SPEG: variants seen among roughly 807,000 people sequenced by gnomAD.
SPEG encodes the protein striated muscle preferentially expressed protein kinase.
SPEG carries 114 observed loss-of-function variants against 300.4 expected under a neutral mutation model. The observed-to-expected ratio is 0.38, with a 90% confidence interval of 0.33 to 0.44. The LOEUF (loss-of-function observed/expected upper bound fraction) is 0.44, where lower values mean the gene tolerates loss of function less well. Ranked by LOEUF, SPEG falls within the 20% of genes least tolerant of loss-of-function variation. SPEG has a pLI of 1.00. For synonymous variants in SPEG, 1,964 were observed against 2,018.9 expected (o/e 0.97, Z 0.73); for missense variants, 4,201 against 4,586.2 (o/e 0.92, Z 2.43).
Position 219,468,862 on chromosome 2 carries a change from G to A in SPEG, c.3305G>A (p.Cys1102Tyr), listed in dbSNP as rs551798718. 1.2e-6 allele frequency: 2 copies of A among 1,611,742 alleles called. No individual in the cohort carries two copies. The highest frequency in any genetic ancestry group is 1.3e-5 in the African/African-American group (1 of 75,050). The change falls in exon 12 of 41, where the codon TGC becomes TAC. Residue 1102 changes from cysteine to tyrosine, a missense_variant. Cys to Tyr is a radical substitution (Grantham distance 194). Around this residue, in one of 4 missense-constraint regions of SPEG, gnomAD observed 1,047 missense variants for 1,356.8 expected, o/e 0.77. Transcript: ENST00000312358. Reference sequence around the variant, plus strand: ...TTCCCACCCCTCCTTTCTGCAGGCTGCCCCATGGAGGAGAGTGAGAACTTG... The same window carrying A: ...TTCCCACCCCTCCTTTCTGCAGGCTACCCCATGGAGGAGAGTGAGAACTTG... ...PPVVTWTHFG[C>Y]PMEESENLRL...
chr2:219,470,181 C>T (rs1233398810), intron 13 of SPEG, among the ~76,000 whole-genome samples: 1 of 152,236 alleles, frequency 6.6e-6, no homozygotes, highest in African/African-American at 2.4e-5. Flanking sequence ...CAAGGACCAT[C>T]TTACCTTGCC....
Position 219,493,324 on chromosome 2 carries a change from T to C in SPEG, c.*538T>C. The C allele has an allele frequency of 2.8e-6, 1 of 354,618 alleles. No individual in the cohort carries two copies. Among genetic ancestry groups the C allele is most frequent in the Non-Finnish European group, 5.6e-6 (1 of 179,632 alleles). 22.0% of individuals were successfully genotyped at this position (354,618 alleles called of 1,614,324 possible). A position where few individuals can be genotyped will look rare whatever the true frequency, so the allele number is the denominator to read the frequency against. ...GGAGAAGAGAGGACTCAGGTGGAGG[T>C]GGGGTGGGTCAGCTGTCAGCATCCC... is the stretch of plus-strand genomic sequence containing the variant. On this transcript the variant is annotated 3_prime_UTR_variant, in exon 41 of 41. Transcript: ENST00000312358.
At chr2:219,490,309 C>T in intron 36 of SPEG, 100 bp from the exon 37 acceptor site, 1 of 1,481,912 alleles carries the variant, frequency 6.7e-7, no homozygotes, top group Non-Finnish European at 9.1e-7. Flanking sequence ...CCACTGCATT[C>T]TTGCCCCTAG....
Position 219,448,402 on chromosome 2 carries a change from A to C in SPEG, c.1244A>C (p.Glu415Ala). The C allele has an allele frequency of 6.5e-7, 1 of 1,534,528 alleles. No individual in the cohort carries two copies. The highest frequency in any genetic ancestry group is 8.7e-7 in the Non-Finnish European group (1 of 1,144,984). ...QFFEERRRSL[E>A]RSDSPPAPLR... is the part of the protein sequence containing the mutation. ...TTCGAGGAGCGACGGCGCAGCCTGG[A>C]GCGCAGCGACTCGCCGCCGGCGCCC... Residue 415 changes from glutamate (E) to alanine (A), a missense_variant, in exon 4 of 41, where the codon GAG becomes GCG. Coordinates refer to ENST00000312358, the MANE Select transcript of SPEG (RefSeq NM_005876.5).
rs1274135303 is a variant in SPEG, at chr2:219,481,116, G to A, written c.5370-188G>A. On this transcript the variant is annotated intron_variant, in intron 26 of 40. Coordinates refer to ENST00000312358, the MANE Select transcript of SPEG (RefSeq NM_005876.5). The surrounding 1 kb of genome is among the most constrained non-coding windows in gnomAD (Gnocchi z 5.4). ...GGCCCCAAGGCAGCACCACCTCCCT[G>A]CCCATCAGGGGGGCTGGGGAGGGGA... 1.3e-5 allele frequency among the ~76,000 whole-genome samples: 2 copies of A among 152,124 alleles called. No individual in the cohort carries two copies. The highest frequency in any genetic ancestry group is 2.9e-5 in the Non-Finnish European group (2 of 68,004).
In SPEG at chr2:219,472,265, G is replaced by A. The variant is rs763276969; in HGVS notation, c.3874G>A (p.Val1292Met). 9.9e-6 allele frequency: 16 copies of A among 1,613,924 alleles called. No homozygotes were observed. In the South Asian group the frequency reaches 1.8e-4, roughly 18 times the overall value. ...CCCTCCAGATGGCGCCCCGCAGGTGGTGGCTGTGACGGGGAGGATGGTCAC... is the reference window on the plus strand; with the variant it reads ...CCCTCCAGATGGCGCCCCGCAGGTGATGGCTGTGACGGGGAGGATGGTCAC... ...PGPPDGAPQVVAVTGRMVTLT... is the reference protein window; with the variant it reads ...PGPPDGAPQVMAVTGRMVTLT... The change falls in exon 15 of 41, where the codon GTG becomes ATG. Residue 1292 changes from valine (V) to methionine (M), a missense_variant. This residue lies in a region of SPEG where 1,047 missense variants were observed against 1,356.8 expected (regional missense o/e 0.77). Coordinates refer to ENST00000312358, the MANE Select transcript of SPEG (RefSeq NM_005876.5).
Position 219,462,102 on chromosome 2 carries a change from T to A in SPEG, c.2616+45T>A, listed in dbSNP as rs1317615398. 8.8e-6 allele frequency: 13 copies of A among 1,471,538 alleles called. No individual in the cohort carries two copies. The East Asian group carries it at 2.6e-4, about 29-fold the overall frequency. 91.2% of individuals were successfully genotyped at this position (1,471,538 alleles called of 1,614,324 possible). A position where few individuals can be genotyped will look rare whatever the true frequency, so the allele number is the denominator to read the frequency against. On this transcript the variant is annotated intron_variant, in intron 7 of 40. Coordinates refer to ENST00000312358, the MANE Select transcript of SPEG (RefSeq NM_005876.5). ...GGCCTAGCCTCCTGTGTGCCCCCGT[T>A]CCTTTGGGTGCCCCCTTGTTCTTGG...
chr2:219,453,473 G>T (rs1457669717), intron 6 of SPEG, among the ~76,000 whole-genome samples: 1 of 152,200 alleles, frequency 6.6e-6, no homozygotes, highest in Admixed American at 6.5e-5. Flanking sequence ...GTTTCTACAA[G>T]GATCTGGGAA....
At chr2:219,453,310 TGAGCTTCA>T (rs1689913359) in intron 6 of SPEG, among the ~76,000 whole-genome samples, 2 of 152,274 alleles carry the variant, frequency 1.3e-5, no homozygotes, top group South Asian at 4.1e-4. Context: ...TAGAACCTCC[TGAGCTTCA>T]GTTTCCTCAT....
Position 219,444,878 on chromosome 2 carries a change from A to C in SPEG, c.532A>C (p.Thr178Pro). 6.4e-7 allele frequency: 1 copy of C among 1,569,144 alleles called. No homozygotes were observed. Among genetic ancestry groups the C allele is most frequent in the Non-Finnish European group, 8.6e-7 (1 of 1,157,030 alleles). Residue 178 changes from threonine (T) to proline (P), a missense_variant, in exon 3 of 41, where the codon ACA (threonine) becomes CCA (proline). Thr to Pro is a conservative substitution (Grantham distance 38). Coordinates refer to ENST00000312358, the MANE Select transcript of SPEG (RefSeq NM_005876.5). The surrounding 1 kb of genome is among the most constrained non-coding windows in gnomAD (Gnocchi z 7.8). ...CCTGGACACACCCCCGACCTCCGTG[A>C]CAGGCACCTCAGAGGAGCAAGTGAG... ...TSLDTPPTSVTGTSEEQVSWW... is the reference protein window; with the variant it reads ...TSLDTPPTSVPGTSEEQVSWW...
In SPEG at chr2:219,484,265, C is replaced by G; in HGVS notation, c.6802C>G (p.Pro2268Ala). Residue 2268 changes from proline to alanine, a missense_variant, in exon 30 of 41, where the codon CCG (proline) becomes GCG (alanine). Pro to Ala is a conservative substitution (Grantham distance 27). Coordinates refer to ENST00000312358, the MANE Select transcript of SPEG (RefSeq NM_005876.5). ...GGGCCCCTCGCAGGGCCCTGCCGCG[C>G]CGCCTTCAGAGCCCAAGCCCCACGC... ...AQGPSQGPAAPPSEPKPHAAV... is the reference protein window; with the variant it reads ...AQGPSQGPAAAPSEPKPHAAV... 1 of 1,609,748 alleles carries G rather than the reference C, an allele frequency of 6.2e-7. No individual in the cohort carries two copies. The highest frequency in any genetic ancestry group is 8.5e-7 in the Non-Finnish European group (1 of 1,179,760).
At position 219,483,421 on chromosome 2, in the gene SPEG, T is replaced by A; in HGVS notation, c.5958T>A (p.Ala1986=). ...GGGCTCCCTCTCAGGACCAGGAGGC[T>A]CCCAGCCCAGAGGCCCTCCCCTCCC... ...QGRAPSQDQE[A]PSPEALPSPG... is the part of the protein sequence containing the mutation. Residue 1986 remains alanine (A), a synonymous_variant, in exon 30 of 41, where the codon GCT becomes GCA. Coordinates refer to ENST00000312358, the MANE Select transcript of SPEG (RefSeq NM_005876.5). 6.3e-7 allele frequency: 1 copy of A among 1,576,644 alleles called. No homozygotes were observed. Among genetic ancestry groups the A allele is most frequent in the Non-Finnish European group, 8.6e-7 (1 of 1,168,442 alleles).
At chr2:219,468,551 A>C in intron 10 of SPEG, 27 bp from the exon 11 acceptor site, 1 of 1,605,176 alleles carries the variant, frequency 6.2e-7, no homozygotes, top group Non-Finnish European at 8.5e-7. Context: ...AGCCTTCCCT[A>C]TCTCTGAGCT....
rs1290747146 is a variant in SPEG, at chr2:219,488,906, G to T, written c.8149+6G>T. On this transcript the variant is annotated splice_donor_region_variant and intron_variant, in intron 34 of 40. Coordinates refer to ENST00000312358, the MANE Select transcript of SPEG (RefSeq NM_005876.5). ...GCTGGAGCGGCGAGTGGATGGTGAG[G>T]ATGGGGCAGCTGGAGGGTTGGGGGA... The T allele has an allele frequency of 6.3e-7, 1 of 1,583,950 alleles. No homozygotes were observed. Among genetic ancestry groups the T allele is most frequent in the African/African-American group, 1.3e-5 (1 of 74,276 alleles).
intron 3 of SPEG, among the ~76,000 whole-genome samples, chr2:219,446,533 C>A (rs183122599): frequency 6.6e-6 from 1 of 152,184 alleles, no homozygotes; most frequent in African/African-American, 2.4e-5. Flanking sequence ...GCCACCACCC[C>A]TTTTAGCCCC....
rs35320747 is a variant in SPEG at position 219,474,378 on chromosome 2, CAA to C, written c.4447+493_4447+494del. On this transcript the variant is annotated intron_variant, in intron 18 of 40. Transcript: ENST00000312358. ...GGGCAACAAGAGCAAAACTCTGTCTCAAAAAAAAAAAAAAAAAAAGATGTATT... is the reference window on the plus strand; with the variant it reads ...GGGCAACAAGAGCAAAACTCTGTCTCAAAAAAAAAAAAAAAAAGATGTATT... 941 of 98,866 alleles carry C rather than the reference CAA, an allele frequency of 9.5e-3. 4 individuals are homozygous for C. Among genetic ancestry groups the C allele is most frequent in the African/African-American group, 0.024 (724 of 30,004 alleles). The allele number at this position is 98,866 out of a possible 1,614,324, so 6.1% of individuals were successfully genotyped here.
Position 219,481,746 on chromosome 2 carries a change from A to G in SPEG, c.5565+66A>G, listed in dbSNP as rs1211501059. 19 of 1,416,890 alleles carry G rather than the reference A, an allele frequency of 1.3e-5. No homozygotes were observed. Among genetic ancestry groups the G allele is most frequent in the Admixed American group, 3.4e-5 (2 of 59,274 alleles). 87.8% of individuals were successfully genotyped at this position (1,416,890 alleles called of 1,614,324 possible). A position where few individuals can be genotyped will look rare whatever the true frequency, so the allele number is the denominator to read the frequency against. On this transcript the variant is annotated intron_variant, in intron 28 of 40. Transcript: ENST00000312358. This position sits in a 1 kb window ranked among gnomAD's most constrained non-coding sequence, Gnocchi z 5.4. ...GAGAGAGAATGTTACTAACAGCTCT[A>G]TTTATTGAGTACCTACTGTGTGCAG...
In SPEG at chr2:219,448,141, C is replaced by G. The variant is rs753681343; in HGVS notation, c.983C>G (p.Pro328Arg). The G allele has an allele frequency of 6.2e-7, 1 of 1,607,548 alleles. No individual in the cohort carries two copies. Among genetic ancestry groups the G allele is most frequent in the South Asian group, 1.1e-5 (1 of 90,674 alleles). Residue 328 changes from proline to arginine, a missense_variant, in exon 4 of 41, where the codon CCC becomes CGC. Physicochemically the swap from Pro to Arg is moderately radical, Grantham distance 103. Around this residue, in one of 4 missense-constraint regions of SPEG, gnomAD observed 1,258 missense variants for 1,293.9 expected, o/e 0.97. Coordinates refer to ENST00000312358, the MANE Select transcript of SPEG (RefSeq NM_005876.5). The part of the protein sequence containing the change: ...KRSPPGPPAQ[P>R]AATPTSPHRR... ...TCCCCGCCGGGACCCCCGGCCCAGC[C>G]CGCGGCCACCCCCACGTCGCCCCAC...
intron 7 of SPEG, 57 bp downstream of exon 7, chr2:219,462,114 C>T: frequency 7.1e-7 from 1 of 1,405,466 alleles, no homozygotes. Flanking sequence ...CTTTGGGTGC[C>T]CCCTTGTTCT....
Sources: gnomAD v4.1 joint callset for allele counts (sites outside exome capture counted in the v4.1 genomes callset) on GRCh38, gnomAD v4.1.1 for gene constraint, gnomAD v4.1.1 regional missense constraint, Gnocchi (gnomAD v3.1) non-coding constraint, MANE v1.5 for transcripts, NCBI Gene and HGNC (gene_info 2026-07-23, HGNC 2026-07-21) for gene names.